PI4K2B: variants seen among roughly 807,000 people sequenced by gnomAD.
The protein encoded by PI4K2B is phosphatidylinositol 4-kinase type 2-beta.
In PI4K2B, 46 loss-of-function variants were observed where a neutral mutation model predicts 56.6. The ratio of observed to expected loss-of-function variants is 0.81; its 90% CI spans 0.64 to 1.04. The LOEUF is 1.04. PI4K2B is among the 50% of genes least tolerant of loss of function. The pLI is 0.00. For synonymous variants in PI4K2B, 211 were observed against 223.8 expected (o/e 0.94, Z 0.51); for missense variants, 556 against 607.7 (o/e 0.91, Z 0.89).
rs562921205 is a variant in PI4K2B at position 25,269,508 on chromosome 4, G to A, written c.1272+305G>A. Among the ~76,000 whole-genome samples, 15 of 151,700 alleles carry A rather than the reference G, an allele frequency of 9.9e-5. No homozygotes were observed. The East Asian group carries it at 2.8e-3, about 28-fold the overall frequency. Reference sequence around the variant, plus strand: ...AAAAAAATTAGCTGGGTGTGGTGGCGGGCACCTGTAATCACAGCTACTTGG... The same window carrying A: ...AAAAAAATTAGCTGGGTGTGGTGGCAGGCACCTGTAATCACAGCTACTTGG... On this transcript the variant is annotated intron_variant, in intron 9 of 9. Coordinates refer to ENST00000264864, the MANE Select transcript of PI4K2B (RefSeq NM_018323.4).
intron 1 of PI4K2B, among the ~76,000 whole-genome samples, chr4:25,239,147 C>T (rs1489731178): frequency 6.6e-6 from 1 of 152,246 alleles, no homozygotes; most frequent in East Asian, 1.9e-4. Flanking sequence ...TTCTCTAAGT[C>T]CCCACTAGAC....
chr4:25,242,969 G>C (rs556557733), intron 1 of PI4K2B, among the ~76,000 whole-genome samples: 1 of 152,316 alleles, frequency 6.6e-6, no homozygotes, highest in East Asian at 1.9e-4. Context: ...GGCATAACAA[G>C]AAATGCATGT....
chr4:25,252,062 G>A (rs6819050), intron 1 of PI4K2B, among the ~76,000 whole-genome samples: 30,400 of 151,972 alleles, frequency 0.2, 3,654 homozygotes, highest in African/African-American at 0.33. Flanking sequence ...CCTGACCTCA[G>A]GTGATCCACT....
chr4:25,271,551 C>T (rs899609849), intron 9 of PI4K2B, among the ~76,000 whole-genome samples: 4 of 152,110 alleles, frequency 2.6e-5, no homozygotes, highest in African/African-American at 9.7e-5. Flanking sequence ...GTAATTGAGG[C>T]ATCAATGGAA....
intron 4 of PI4K2B, among the ~76,000 whole-genome samples, chr4:25,258,213 CT>C (rs545122643): frequency 7.5e-4 from 89 of 118,978 alleles, no homozygotes; most frequent in Admixed American, 1.1e-3. Context: ...GGAATCTGTC[CT>C]TTTTTTTTTT....
chr4:25,238,193 G>T (rs899634970), intron 1 of PI4K2B, among the ~76,000 whole-genome samples: 4 of 152,196 alleles, frequency 2.6e-5, no homozygotes, highest in African/African-American at 9.7e-5. Context: ...CCACAGATTT[G>T]ATTTTTGAAA....
intron 9 of PI4K2B, chr4:25,276,663 T>C: frequency 1.3e-5 from 13 of 984,928 alleles, no homozygotes; most frequent in Non-Finnish European, 1.6e-5. Flanking sequence ...CCAGTATTTG[T>C]TGAGTTTTTA....
intron 1 of PI4K2B, among the ~76,000 whole-genome samples, chr4:25,236,624 G>A (rs970144359): frequency 1.3e-5 from 2 of 152,204 alleles, no homozygotes; most frequent in South Asian, 4.1e-4. Context: ...TCATTATGAG[G>A]ATTCAGAATT....
intron 9 of PI4K2B, 79 bp downstream of exon 9, chr4:25,269,282 G>A (rs559483449): frequency 3.5e-4 from 281 of 793,192 alleles, no homozygotes; most frequent in Non-Finnish European, 5.7e-4. Context: ...ACTGTGATCT[G>A]GAGATGGAAT....
At position 25,234,422 on chromosome 4, in the gene PI4K2B, G is replaced by T. The variant is rs1201066112; in HGVS notation, c.259G>T (p.Ala87Ser). The T allele has an allele frequency of 7.4e-7, 1 of 1,349,080 alleles. No individual in the cohort carries two copies. The highest frequency in any genetic ancestry group is 3.1e-5 in the East Asian group (1 of 32,102). The allele number at this position is 1,349,080 out of a possible 1,614,324, so 83.6% of individuals were successfully genotyped here. ...SSAELDRSRP[A>S]VSVTIGTSEM... ...CGCCGAGCTGGACCGGAGCCGCCCC[G>T]CGGTTTCAGGTGCGACCCGGCCCTG... Residue 87 changes from alanine (A) to serine (S), a missense_variant, in exon 1 of 10, where the codon GCG becomes TCG. Physicochemically the swap from Ala to Ser is moderately conservative, Grantham distance 99. Transcript: ENST00000264864.
At chr4:25,249,563 G>C (rs1232110854) in intron 1 of PI4K2B, among the ~76,000 whole-genome samples, 1 of 144,634 alleles carries the variant, frequency 6.9e-6, no homozygotes, top group Non-Finnish European at 1.5e-5. Context: ...CGGGCGGAGG[G>C]GCTCCTCACT....
rs949409281 is a variant in PI4K2B, at chr4:25,275,925, A to G, written c.1273-1089A>G. Among the ~76,000 whole-genome samples, 4 of 152,310 alleles carry G rather than the reference A, an allele frequency of 2.6e-5. 1 individual carries two copies. In the East Asian group the frequency reaches 7.7e-4, roughly 29 times the overall value. On this transcript the variant is annotated intron_variant, in intron 9 of 9. Coordinates refer to ENST00000264864, the MANE Select transcript of PI4K2B (RefSeq NM_018323.4). ...CAAGATCAGCCCTGGCAACATAGCA[A>G]GACCCCATCTCTACAATCAATCAGT...
chr4:25,250,110 T>G (rs1053818682), intron 1 of PI4K2B, among the ~76,000 whole-genome samples: 16 of 152,204 alleles, frequency 1.1e-4, no homozygotes, highest in Admixed American at 6.5e-4. Flanking sequence ...TCCCAGGCAC[T>G]TGGCAGGCTG....
At chr4:25,254,947 G>A (rs1404327759) in intron 2 of PI4K2B, 118 bp from the exon 3 acceptor site, 1 of 658,492 alleles carries the variant, frequency 1.5e-6, no homozygotes, top group Non-Finnish European at 2.7e-6. Context: ...AATAGTTTGG[G>A]GATTTATGCC....
intron 4 of PI4K2B, among the ~76,000 whole-genome samples, chr4:25,257,309 G>T (rs55840582): frequency 0.45 from 68,058 of 151,650 alleles, 17,773 homozygotes; most frequent in Non-Finnish European, 0.58. Context: ...CAATCCTCTC[G>T]CTTTGGCCTC....
intron 1 of PI4K2B, among the ~76,000 whole-genome samples, chr4:25,241,903 G>T (rs1300923418): frequency 6.6e-6 from 1 of 152,122 alleles, no homozygotes; most frequent in Non-Finnish European, 1.5e-5. Flanking sequence ...GGTTTTGAAG[G>T]CTGTTTCTGC....
intron 6 of PI4K2B, among the ~76,000 whole-genome samples, chr4:25,262,979 A>G (rs1716532552): frequency 6.6e-6 from 1 of 152,142 alleles, no homozygotes; most frequent in Non-Finnish European, 1.5e-5. Flanking sequence ...ATGGCTGGGG[A>G]GGCCTCAGGA....
At chr4:25,248,010 C>T (rs977851192) in intron 1 of PI4K2B, among the ~76,000 whole-genome samples, 1 of 152,138 alleles carries the variant, frequency 6.6e-6, no homozygotes, top group African/African-American at 2.4e-5. Context: ...AGCCAGTGAA[C>T]ATCTATTTTT....
chr4:25,275,821 T>G (rs1717072266), intron 9 of PI4K2B, among the ~76,000 whole-genome samples: 1 of 152,082 alleles, frequency 6.6e-6, no homozygotes, highest in African/African-American at 2.4e-5. Flanking sequence ...TCATCTAGTT[T>G]GGCCAGCTGT....
Sources: allele counts gnomAD v4.1 joint callset (sites outside exome capture counted in the v4.1 genomes callset), GRCh38; gene constraint gnomAD v4.1.1; transcripts MANE v1.5; gene names NCBI Gene and HGNC (gene_info 2026-07-23, HGNC 2026-07-21).